Variants in KIF16B observed in about 807,000 individuals in gnomAD.
KIF16B encodes the protein kinesin family member 16B.
Under a neutral mutation model 156.3 loss-of-function variants are expected in KIF16B, and 98 were observed. That is an observed-to-expected ratio of 0.63 (90% CI 0.53 to 0.74). KIF16B has a LOEUF of 0.74. Among genes scored for constraint, KIF16B ranks in the 30% least tolerant of loss-of-function variants. The pLI is 0.00. For synonymous variants in KIF16B, 564 were observed against 583.7 expected, an observed-to-expected ratio of 0.97 and a Z score of 0.49; for missense variants, 1,421 against 1,606.5, an observed-to-expected ratio of 0.88 and a Z score of 1.97.
Position 16,379,160 on chromosome 20 carries a change from C to G in KIF16B, c.2842G>C (p.Glu948Gln). Residue 948 changes from glutamate to glutamine, a missense_variant, in exon 19 of 26, where the codon GAA (glutamate) becomes CAA (glutamine). Coordinates refer to ENST00000354981, the MANE Select transcript of KIF16B (RefSeq NM_024704.5). ...AGCTGTTCTTCTTTTTCTTCCATTT[C>G]CTTTTCTACTTGATAAAGAGTGTTG... ...LDNTLYQVEKEMEEKEEQLAQ... is the reference protein window; with the variant it reads ...LDNTLYQVEKQMEEKEEQLAQ... 6.2e-7 allele frequency: 1 copy of G among 1,614,186 alleles called. No homozygotes were observed. The highest frequency in any genetic ancestry group is 8.5e-7 in the Non-Finnish European group (1 of 1,180,036).
chr20:16,551,263 G>A (rs757220355), intron 1 of KIF16B, among the ~76,000 whole-genome samples: 28 of 151,608 alleles, frequency 1.8e-4, no homozygotes, highest in Admixed American at 1.3e-3. Flanking sequence ...CCTAAGTAGC[G>A]GAGATTACAG....
At chr20:16,394,958 G>C (rs892822637) in intron 17 of KIF16B, among the ~76,000 whole-genome samples, 11 of 151,768 alleles carry the variant, frequency 7.2e-5, no homozygotes, top group African/African-American at 2.7e-4. Flanking sequence ...ATTCCCCTTA[G>C]TTCATGTTTA....
At chr20:16,288,306 T>A (rs1170694890) in intron 25 of KIF16B, among the ~76,000 whole-genome samples, 2 of 152,204 alleles carry the variant, frequency 1.3e-5, no homozygotes, top group African/African-American at 4.8e-5. Flanking sequence ...CTTTTTAGGA[T>A]TAGAAGATTA....
At chr20:16,452,751 C>T (rs7274819) in intron 12 of KIF16B, among the ~76,000 whole-genome samples, 2,238 of 151,606 alleles carry the variant, frequency 0.015, 38 homozygotes, top group African/African-American at 0.035. Context: ...AGGAGAATGG[C>T]ATGAACCTGG....
intron 22 of KIF16B, among the ~76,000 whole-genome samples, chr20:16,366,649 G>A (rs1237724782): frequency 6.6e-6 from 1 of 152,166 alleles, no homozygotes; most frequent in East Asian, 1.9e-4. Context: ...TCAATCCCCG[G>A]GTCCTCATAG....
chr20:16,339,596 C>T (rs535965934), intron 23 of KIF16B, among the ~76,000 whole-genome samples: 2 of 152,282 alleles, frequency 1.3e-5, no homozygotes, highest in South Asian at 4.2e-4. Flanking sequence ...ATACGCATCT[C>T]ACACTTATCA....
At chr20:16,400,993 T>C (rs1600295871) in intron 17 of KIF16B, among the ~76,000 whole-genome samples, 1 of 152,198 alleles carries the variant, frequency 6.6e-6, no homozygotes, top group African/African-American at 2.4e-5. Flanking sequence ...AACTGAAGAT[T>C]TGGCCCTGGA....
chr20:16,447,289 CA>C (rs1334143246), intron 12 of KIF16B, among the ~76,000 whole-genome samples: 1 of 151,342 alleles, frequency 6.6e-6, no homozygotes, highest in Non-Finnish European at 1.5e-5. Context: ...AAATCAGACT[CA>C]TTCTGATGTT....
At chr20:16,367,614 G>T in intron 22 of KIF16B, 1 of 1,612,660 alleles carries the variant, frequency 6.2e-7, no homozygotes, top group South Asian at 1.1e-5. Context: ...AAGGGACATT[G>T]ACTTCCATAT....
intron 25 of KIF16B, among the ~76,000 whole-genome samples, chr20:16,277,399 G>A (rs1419901505): frequency 1.3e-5 from 2 of 150,960 alleles, no homozygotes; most frequent in Non-Finnish European, 2.9e-5. Flanking sequence ...TTCCTGTAGA[G>A]ATTTACACTC....
intron 3 of KIF16B, among the ~76,000 whole-genome samples, chr20:16,516,869 C>T (rs117932567): frequency 2.9e-3 from 440 of 152,320 alleles, no homozygotes; most frequent in Non-Finnish European, 5.2e-3. Flanking sequence ...CCATATTCTT[C>T]TAAACTCCCT....
chr20:16,344,550 G>A (rs2064196611), intron 23 of KIF16B, among the ~76,000 whole-genome samples: 1 of 152,170 alleles, frequency 6.6e-6, no homozygotes, highest in Non-Finnish European at 1.5e-5. Context: ...TGGGAGACCA[G>A]CACCTCCAAA....
intron 17 of KIF16B, among the ~76,000 whole-genome samples, chr20:16,391,315 G>C (rs1195242228): frequency 6.6e-6 from 1 of 152,136 alleles, no homozygotes; most frequent in Non-Finnish European, 1.5e-5. Context: ...CCCTGCCCAT[G>C]AGTCCTCTAT....
At chr20:16,492,161 G>A (rs1020685239) in intron 12 of KIF16B, among the ~76,000 whole-genome samples, 3 of 152,144 alleles carry the variant, frequency 2.0e-5, no homozygotes, top group African/African-American at 7.2e-5. Flanking sequence ...GCGCATTACT[G>A]GAACAATGAC....
At chr20:16,441,047 G>A (rs1397352202) in intron 12 of KIF16B, among the ~76,000 whole-genome samples, 1 of 152,160 alleles carries the variant, frequency 6.6e-6, no homozygotes, top group Non-Finnish European at 1.5e-5. Flanking sequence ...AGCATCTTCT[G>A]ATCACAAGTA....
intron 12 of KIF16B, among the ~76,000 whole-genome samples, chr20:16,439,432 C>G (rs1245499077): frequency 6.6e-6 from 1 of 152,126 alleles, no homozygotes; most frequent in Admixed American, 6.6e-5. Context: ...TTGCCCCTGC[C>G]CACCTCTCCA....
chr20:16,466,978 T>C (rs1353555106), intron 12 of KIF16B, among the ~76,000 whole-genome samples: 1 of 151,406 alleles, frequency 6.6e-6, no homozygotes, highest in East Asian at 1.9e-4. Context: ...CCACCAGAAG[T>C]CCACGTTCTC....
intron 12 of KIF16B, among the ~76,000 whole-genome samples, chr20:16,472,418 C>A (rs148150972): frequency 7.2e-5 from 11 of 152,206 alleles, no homozygotes; most frequent in African/African-American, 2.6e-4. Context: ...GAGTCACAAG[C>A]AGCCAAGCCA....
chr20:16,480,397 G>C (rs1049857799), intron 12 of KIF16B, among the ~76,000 whole-genome samples: 2 of 152,114 alleles, frequency 1.3e-5, no homozygotes, highest in African/African-American at 4.8e-5. Context: ...ACTTGTGATT[G>C]AAAAAACTGA....
Sources: gnomAD v4.1 joint callset for allele counts (sites outside exome capture counted in the v4.1 genomes callset) on GRCh38, gnomAD v4.1.1 for gene constraint, MANE v1.5 for transcripts, NCBI Gene and HGNC (gene_info 2026-07-23, HGNC 2026-07-21) for gene names.